Variants in MGA observed in about 807,000 individuals in gnomAD.
MGA encodes MAX gene-associated protein.
In MGA, 40 loss-of-function variants were observed where a neutral mutation model predicts 261.1. The observed-to-expected ratio is 0.15, with a 90% CI of 0.12 to 0.20. The LOEUF (loss-of-function observed/expected upper bound fraction) is 0.20, where lower values mean the gene tolerates loss of function less well. Ranked by LOEUF, MGA falls within the 10% of genes least tolerant of loss-of-function variation. The probability of loss-of-function intolerance (pLI) is 1.00; values close to 1 mark genes in which losing one functional copy is unlikely to be tolerated. For synonymous variants in MGA, 1,302 were observed against 1,290.6 expected (o/e 1.01, Z -0.19); for missense variants, 3,397 against 3,630.5 (o/e 0.94, Z 1.65).
intron 2 of MGA, among the ~76,000 whole-genome samples, chr15:41,690,243 G>A (rs553281123): frequency 3.0e-4 from 46 of 152,202 alleles, no homozygotes; most frequent in Non-Finnish European, 4.7e-4. Context: ...TGTTTTTAAG[G>A]TTCATCCATG....
At chr15:41,652,446 G>A (rs898218997) in intron 1 of MGA, among the ~76,000 whole-genome samples, 90 of 151,084 alleles carry the variant, frequency 6.0e-4, no homozygotes, top group African/African-American at 2.0e-3. Context: ...GTTCACTGAA[G>A]CGTCAAACTT....
At chr15:41,641,074 A>T (rs544074722) in intron 1 of MGA, among the ~76,000 whole-genome samples, 9 of 152,322 alleles carry the variant, frequency 5.9e-5, no homozygotes, top group African/African-American at 2.2e-4. Flanking sequence ...AACATTTCAT[A>T]TAAATGGAAT....
In MGA at chr15:41,766,875, C is replaced by G; in HGVS notation, c.8793C>G (p.Asp2931Glu). ...CAGATGTCCTTAAGATTGTTATTGA[C>G]TCTGAAATAAAGGATTCCCTCCTTT... The change falls in exon 24 of 24, where the codon GAC (aspartate) becomes GAG (glutamate). Residue 2931 changes from aspartate to glutamate, a missense_variant. By Grantham distance (45) the Asp-to-Glu change is conservative (BLOSUM62 2). Around this residue, in one of 9 missense-constraint regions of MGA, gnomAD observed 647 missense variants for 642.4 expected, o/e 1.01. Coordinates refer to ENST00000219905, the MANE Select transcript of MGA (RefSeq NM_001164273.2). The G allele has an allele frequency of 6.2e-7, 1 of 1,613,988 alleles. No individual in the cohort carries two copies. The highest frequency in any genetic ancestry group is 8.5e-7 in the Non-Finnish European group (1 of 1,179,882).
At chr15:41,651,089 G>A (rs147570328) in intron 1 of MGA, among the ~76,000 whole-genome samples, 1 of 152,230 alleles carries the variant, frequency 6.6e-6, no homozygotes, top group African/African-American at 2.4e-5. Flanking sequence ...GGGGGACACC[G>A]GGGCAGGACT....
At position 41,699,058 on chromosome 15, in the gene MGA, G is replaced by A; in HGVS notation, c.2093-6G>A. 1 of 1,607,060 alleles carries A rather than the reference G, an allele frequency of 6.2e-7. No individual in the cohort carries two copies. Among genetic ancestry groups the A allele is most frequent in the East Asian group, 2.2e-5 (1 of 44,786 alleles). Reference sequence around the variant, plus strand: ...CTTATTTTATTACTATTTATTTTGGGTGTAGGTTACAGAGCAAGAATTTCC... The same window carrying A: ...CTTATTTTATTACTATTTATTTTGGATGTAGGTTACAGAGCAAGAATTTCC... On this transcript the variant is annotated splice_polypyrimidine_tract_variant and splice_region_variant and intron_variant, in intron 4 of 23. Transcript: ENST00000219905.
At chr15:41,734,478 A>G in intron 11 of MGA, 44 bp from the exon 12 acceptor site, 1 of 1,452,070 alleles carries the variant, frequency 6.9e-7, no homozygotes, top group South Asian at 1.2e-5. Flanking sequence ...TGGGTATTGA[A>G]TATATGTTAA....
At chr15:41,672,228 A>G (rs1384387971) in intron 2 of MGA, among the ~76,000 whole-genome samples, 1 of 152,224 alleles carries the variant, frequency 6.6e-6, no homozygotes, top group Non-Finnish European at 1.5e-5. Flanking sequence ...TTCACGGCTC[A>G]CTGCAGCCCT....
intron 1 of MGA, among the ~76,000 whole-genome samples, chr15:41,624,227 G>T (rs1377460645): frequency 6.6e-6 from 1 of 151,360 alleles, no homozygotes; most frequent in Non-Finnish European, 1.5e-5. Flanking sequence ...ACCACACCCA[G>T]GTAATTTTTG....
In MGA at chr15:41,635,522, C is replaced by CA. The variant is rs570567121; in HGVS notation, c.-68+14224_-68+14225insA. Among the ~76,000 whole-genome samples, 21 of 151,936 alleles carry CA rather than the reference C, an allele frequency of 1.4e-4. No homozygotes were observed. In the East Asian group the frequency reaches 2.7e-3, roughly 20 times the overall value. On this transcript the variant is annotated intron_variant, in intron 1 of 8. Coordinates refer to the MGA transcript ENST00000566718. ...CCCAGGCAACATAGTGAGACCCCCC[C>CA]CCTCCTATAAAAAATTTTAAAAAAT...
At chr15:41,724,580 G>A (rs561426661) in intron 9 of MGA, among the ~76,000 whole-genome samples, 1 of 152,300 alleles carries the variant, frequency 6.6e-6, no homozygotes, top group Admixed American at 6.5e-5. Flanking sequence ...TCAGCTATAA[G>A]ATGAGGCAGT....
chr15:41,643,256 T>A (rs1261528459), intron 1 of MGA, among the ~76,000 whole-genome samples: 1 of 151,050 alleles, frequency 6.6e-6, no homozygotes. Flanking sequence ...ATTTTTATTT[T>A]TTGAGACGGA....
intron 11 of MGA, among the ~76,000 whole-genome samples, chr15:41,731,214 CATT>C (rs2061492009): frequency 6.6e-6 from 1 of 152,042 alleles, no homozygotes; most frequent in South Asian, 2.1e-4. Context: ...TTAACATTAG[CATT>C]ATTAATGACC....
chr15:41,742,031 C>G (rs1322403984), intron 14 of MGA, among the ~76,000 whole-genome samples: 1 of 151,708 alleles, frequency 6.6e-6, no homozygotes, highest in African/African-American at 2.4e-5. Context: ...ATTTTAATCC[C>G]TTTCTTGTTA....
chr15:41,746,972 T>TAAA (rs11406312), intron 15 of MGA, among the ~76,000 whole-genome samples: 107 of 149,516 alleles, frequency 7.2e-4, no homozygotes, highest in East Asian at 1.2e-3. Context: ...CTCTTTGATC[T>TAAA]AAAAAAAAAA....
chr15:41,753,834 GAATTTTGTCC>G (rs1193744810), intron 17 of MGA, among the ~76,000 whole-genome samples: 1 of 152,142 alleles, frequency 6.6e-6, no homozygotes, highest in East Asian at 1.9e-4. Flanking sequence ...ATCTGTGCCT[GAATTTTGTCC>G]ACTAGAAATA....
chr15:41,744,487 C>T (rs1167088137), intron 15 of MGA, among the ~76,000 whole-genome samples: 3 of 152,284 alleles, frequency 2.0e-5, no homozygotes, highest in East Asian at 3.9e-4. Context: ...TGAGCCACCA[C>T]GTCCGGCTTG....
In MGA at chr15:41,644,178, A is replaced by G. The variant is rs909653255; in HGVS notation, c.-68+22880A>G. 3.3e-5 allele frequency among the ~76,000 whole-genome samples: 5 copies of G among 151,986 alleles called. 1 individual carries two copies. Among genetic ancestry groups the G allele is most frequent in the Non-Finnish European group, 7.4e-5 (5 of 68,010 alleles). On this transcript the variant is annotated intron_variant, in intron 1 of 8. Coordinates refer to the MGA transcript ENST00000566718. ...AATAAGACATTTCTTCATACTTTATATAAAACTGGCCTAACATTTCATTCA... is the reference window on the plus strand; with the variant it reads ...AATAAGACATTTCTTCATACTTTATGTAAAACTGGCCTAACATTTCATTCA...
intron 1 of MGA, among the ~76,000 whole-genome samples, chr15:41,635,402 CACAA>C (rs139522860): frequency 0.29 from 43,213 of 151,550 alleles, 7,222 homozygotes; most frequent in Admixed American, 0.38. Flanking sequence ...AAACACCAAA[CACAA>C]ACACACACAC....
chr15:41,644,783 T>C (rs1279119421), intron 1 of MGA, among the ~76,000 whole-genome samples: 1 of 152,186 alleles, frequency 6.6e-6, no homozygotes, highest in African/African-American at 2.4e-5. Flanking sequence ...TTTATAAATG[T>C]GGAAAGAAAG....
Sources: gnomAD v4.1 joint callset for allele counts (sites outside exome capture counted in the v4.1 genomes callset) on GRCh38, gnomAD v4.1.1 for gene constraint, gnomAD v4.1.1 regional missense constraint, MANE v1.5 for transcripts, NCBI Gene and HGNC (gene_info 2026-07-23, HGNC 2026-07-21) for gene names.